EDIL3: variants seen among roughly 807,000 people sequenced by gnomAD.
The protein encoded by EDIL3 is EGF-like repeat and discoidin I-like domain-containing protein 3.
A neutral mutation model predicts 67.4 loss-of-function variants in EDIL3; 37 were observed. The observed-to-expected ratio is 0.55, with a 90% CI of 0.42 to 0.72. EDIL3 has a LOEUF of 0.72. EDIL3 is among the 30% of genes least tolerant of loss of function. The probability of loss-of-function intolerance (pLI) is 0.00; values close to 1 mark genes in which losing one functional copy is unlikely to be tolerated. For missense variants in EDIL3, 527 were observed against 586.3 expected (o/e 0.90, Z 1.04); for synonymous variants, 195 against 196.3 (o/e 0.99, Z 0.05).
chr5:84,355,248 A>T (rs1747456370), intron 1 of EDIL3, among the ~76,000 whole-genome samples: 1 of 151,590 alleles, frequency 6.6e-6, no homozygotes, highest in African/African-American at 2.4e-5. Flanking sequence ...TCAATCTCTG[A>T]TATCCTTTCT....
At chr5:84,363,211 T>G (rs1299310124) in intron 1 of EDIL3, among the ~76,000 whole-genome samples, 2 of 152,018 alleles carry the variant, frequency 1.3e-5, no homozygotes, top group Admixed American at 6.6e-5. Flanking sequence ...ACCAAAAAAT[T>G]GCTAATTCAG....
rs116328742 is a variant in EDIL3 at position 84,021,790 on chromosome 5, C to T, written c.1137+38510G>A. ...AGTAACAACTACATGCTAACAAACT[C>T]GAAGGCCTAAAGAAAATGGATACAT... On this transcript the variant is annotated intron_variant, in intron 9 of 10. Coordinates refer to ENST00000296591, the MANE Select transcript of EDIL3 (RefSeq NM_005711.5). Among the ~76,000 whole-genome samples the T allele has an allele frequency of 4.0e-3, 613 of 151,888 alleles. 1 individual carries two copies. Among genetic ancestry groups the T allele is most frequent in the African/African-American group, 0.014 (567 of 41,494 alleles).
At chr5:84,297,968 A>G (rs543680999) in intron 1 of EDIL3, among the ~76,000 whole-genome samples, 1 of 152,146 alleles carries the variant, frequency 6.6e-6, no homozygotes, top group Admixed American at 6.5e-5. Context: ...ACCCTTTAAC[A>G]CAGAGCTTGG....
intron 8 of EDIL3, among the ~76,000 whole-genome samples, chr5:84,063,849 T>C (rs765641163): frequency 2.6e-5 from 4 of 152,140 alleles, no homozygotes; most frequent in Admixed American, 6.6e-5. Context: ...CACAGTTATT[T>C]GAACAAAATA....
At chr5:83,962,745 A>G (rs1296433979) in intron 10 of EDIL3, among the ~76,000 whole-genome samples, 1 of 151,624 alleles carries the variant, frequency 6.6e-6, no homozygotes, top group Non-Finnish European at 1.5e-5. Context: ...ACTTGTTACA[A>G]TAATTAAGAA....
At chr5:84,015,066 C>G (rs1745578132) in intron 9 of EDIL3, among the ~76,000 whole-genome samples, 1 of 152,158 alleles carries the variant, frequency 6.6e-6, no homozygotes, top group South Asian at 2.1e-4. Flanking sequence ...AATAAACCCA[C>G]AAATACTCCA....
At chr5:84,048,145 A>T (rs2301088) in intron 9 of EDIL3, 118,949 of 359,812 alleles carry the variant, frequency 0.33, 21,427 homozygotes, top group African/African-American at 0.55. Context: ...GATCTTCTTT[A>T]TAGGTGAACC....
intron 10 of EDIL3, among the ~76,000 whole-genome samples, chr5:83,955,263 T>G (rs1330791185): frequency 1.3e-5 from 2 of 151,758 alleles, no homozygotes; most frequent in Admixed American, 1.3e-4. Context: ...AGGAAGATTT[T>G]AACTTTTTTG....
At chr5:84,007,719 G>A (rs553699293) in intron 9 of EDIL3, among the ~76,000 whole-genome samples, 1 of 152,090 alleles carries the variant, frequency 6.6e-6, no homozygotes, top group Non-Finnish European at 1.5e-5. Context: ...ACAGTATGGA[G>A]ATTCTTCAAA....
At chr5:84,290,921 A>T (rs1225095784) in intron 1 of EDIL3, among the ~76,000 whole-genome samples, 2 of 152,144 alleles carry the variant, frequency 1.3e-5, no homozygotes, top group Non-Finnish European at 2.9e-5. Context: ...CTCAGTTTCA[A>T]CCCTTGAACA....
chr5:84,164,561 G>C (rs1748671278), intron 4 of EDIL3, among the ~76,000 whole-genome samples: 1 of 152,032 alleles, frequency 6.6e-6, no homozygotes, highest in Non-Finnish European at 1.5e-5. Flanking sequence ...CAAAAGACAA[G>C]ATAATTGCAA....
At chr5:84,310,440 T>G (rs566578293) in intron 1 of EDIL3, among the ~76,000 whole-genome samples, 1 of 152,320 alleles carries the variant, frequency 6.6e-6, no homozygotes, top group Non-Finnish European at 1.5e-5. Flanking sequence ...TTCCTTTTTG[T>G]TAAGACTGCA....
In EDIL3 at chr5:84,136,759, TC is replaced by T. The variant is rs1388418764; in HGVS notation, c.469+481del. Among the ~76,000 whole-genome samples the T allele has an allele frequency of 6.3e-4, 96 of 152,112 alleles. 1 individual carries two copies. The highest frequency in any genetic ancestry group is 1.8e-4 in the Non-Finnish European group (12 of 68,014). On this transcript the variant is annotated intron_variant, in intron 5 of 10. Transcript: ENST00000296591. ...TGTGTTGCCCAGGATGGTCTTGAGC[TC>T]CTGGGCTCCTCTTGCTGAGGCCTCT... is the stretch of plus-strand genomic sequence containing the variant.
chr5:83,953,283 C>T (rs1744451644), intron 10 of EDIL3, among the ~76,000 whole-genome samples: 1 of 151,746 alleles, frequency 6.6e-6, no homozygotes, highest in Non-Finnish European at 1.5e-5. Flanking sequence ...AATCTGGCAA[C>T]ACTATATGAA....
chr5:84,384,546 T>G lies in EDIL3; in HGVS notation c.-172A>C. The G allele has an allele frequency of 1.7e-6, 1 of 591,156 alleles. No homozygotes were observed. Among genetic ancestry groups the G allele is most frequent in the South Asian group, 2.4e-5 (1 of 42,224 alleles). The allele number at this position is 591,156 out of a possible 1,614,324, so 36.6% of individuals were successfully genotyped here. A position where few individuals can be genotyped will look rare whatever the true frequency, so the allele number is the denominator to read the frequency against. ...AAATTCTTGGAGAGGGCGAGAGTGG[T>G]GACTAAAGAGAGGAGCCTTTCCTCC... On this transcript the variant is annotated 5_prime_UTR_variant, in exon 1 of 11. Transcript: ENST00000296591.
At chr5:84,225,518 A>G (rs1744433018) in intron 3 of EDIL3, among the ~76,000 whole-genome samples, 1 of 151,618 alleles carries the variant, frequency 6.6e-6, no homozygotes, top group Non-Finnish European at 1.5e-5. Context: ...TCAAAATATA[A>G]GGCAAATCAA....
chr5:83,946,685 T>G (rs548473094), intron 10 of EDIL3, among the ~76,000 whole-genome samples: 6 of 151,900 alleles, frequency 3.9e-5, no homozygotes, highest in African/African-American at 1.4e-4. Context: ...CAGGCCGGTA[T>G]AGACATCAAT....
chr5:84,209,073 T>C (rs1744055864), intron 3 of EDIL3, among the ~76,000 whole-genome samples: 1 of 152,084 alleles, frequency 6.6e-6, no homozygotes, highest in South Asian at 2.1e-4. Context: ...ATGTCCTTTG[T>C]AGGGACATGG....
rs1169585092 is a variant in EDIL3 at position 84,265,293 on chromosome 5, C to T, written c.68-11081G>A. ...GAGAATTTATACCTTATACTGCAGC[C>T]CCAACTATTTACTGCCAGGATGTTT... On this transcript the variant is annotated intron_variant, in intron 1 of 10. Transcript: ENST00000296591. Among the ~76,000 whole-genome samples, 5 of 152,244 alleles carry T rather than the reference C, an allele frequency of 3.3e-5. No individual in the cohort carries two copies. The Middle Eastern group carries it at 0.01, about 311-fold the overall frequency.
Sources: gnomAD v4.1 joint callset for allele counts (sites outside exome capture counted in the v4.1 genomes callset) on GRCh38, gnomAD v4.1.1 for gene constraint, MANE v1.5 for transcripts, NCBI Gene and HGNC (gene_info 2026-07-23, HGNC 2026-07-21) for gene names.